The following FAM89A variants were observed in gnomAD, a reference collection of about 807,000 sequenced individuals.
FAM89A encodes the protein protein FAM89A.
In FAM89A, 10 loss-of-function variants were observed where a neutral mutation model predicts 7.1. That is an observed-to-expected ratio of 1.40 (90% CI 0.86 to 2.38). The LOEUF (loss-of-function observed/expected upper bound fraction) is 2.38. Ranked by LOEUF, FAM89A falls within the 30% of genes most tolerant of loss-of-function variation. The pLI, the probability that FAM89A is intolerant of heterozygous loss-of-function variation, is 0.00. For missense variants in FAM89A, 276 were observed against 262.8 expected (o/e 1.05, Z -0.35); for synonymous variants, 157 against 129.3 (o/e 1.21, Z -1.45).
rs1040877430 is a variant in FAM89A, at chr1:231,040,244, T to C, written c.-33A>G. 8.8e-6 allele frequency: 9 copies of C among 1,027,590 alleles called. No individual in the cohort carries two copies. The East Asian group carries it at 8.7e-4, about 99-fold the overall frequency. 63.7% of individuals were successfully genotyped at this position (1,027,590 alleles called of 1,614,324 possible). A position where few individuals can be genotyped will look rare whatever the true frequency, so the allele number is the denominator to read the frequency against. Reference sequence around the variant, plus strand: ...CGGCCCGGCCACGCGCCTGCCCCGCTGCAGCGAACCAAGGCTTTCCCCCGG... The same window carrying C: ...CGGCCCGGCCACGCGCCTGCCCCGCCGCAGCGAACCAAGGCTTTCCCCCGG... On this transcript the variant is annotated 5_prime_UTR_variant, in exon 1 of 2. Transcript: ENST00000366654.
At chr1:231,036,843 T>G (rs1444611600) in intron 1 of FAM89A, among the ~76,000 whole-genome samples, 1 of 152,186 alleles carries the variant, frequency 6.6e-6, no homozygotes, top group Non-Finnish European at 1.5e-5. Flanking sequence ...GATGACAAAT[T>G]ACCTTCCTCC....
rs2103068505 is a variant in FAM89A, at chr1:231,019,483, G to A, written c.*380C>T. On this transcript the variant is annotated 3_prime_UTR_variant, in exon 2 of 2. Transcript: ENST00000366654. ...CTGGAAGCAAGAACCCTAACACAAA[G>A]AGGATTGGAATACTCTACCATCTGT... The A allele has an allele frequency of 5.5e-6, 1 of 182,492 alleles. No homozygotes were observed. The highest frequency in any genetic ancestry group is 2.3e-5 in the African/African-American group (1 of 42,608). The allele number at this position is 182,492 out of a possible 1,614,324, so 11.3% of individuals were successfully genotyped here. A position where few individuals can be genotyped will look rare whatever the true frequency, so the allele number is the denominator to read the frequency against.
intron 1 of FAM89A, chr1:231,021,891 G>A: frequency 6.4e-7 from 1 of 1,569,902 alleles, no homozygotes; most frequent in Non-Finnish European, 8.8e-7. Flanking sequence ...TGCATGGTGA[G>A]CAGTGACGAT....
rs1469968517 is a variant in FAM89A, at chr1:231,039,984, C to T, written c.228G>A (p.Ala76=). 8.0e-6 allele frequency: 11 copies of T among 1,377,788 alleles called. No homozygotes were observed. The highest frequency in any genetic ancestry group is 1.7e-5 in the South Asian group (1 of 59,602). 85.3% of individuals were successfully genotyped at this position (1,377,788 alleles called of 1,614,324 possible). A position where few individuals can be genotyped will look rare whatever the true frequency, so the allele number is the denominator to read the frequency against. ...RGGPGGGGAR[A]AALPAKPPNL... is the part of the protein sequence containing the mutation. The stretch of plus-strand genomic sequence containing the variant: ...TGGGAGGCTTGGCGGGCAGCGCTGC[C>T]GCCCGGGCCCCGCCGCCGCCCGGGC... Residue 76 remains alanine, a synonymous_variant, in exon 1 of 2, where the codon GCG becomes GCA. Transcript: ENST00000366654.
At chr1:231,034,330 G>A (rs1680123561) in intron 1 of FAM89A, among the ~76,000 whole-genome samples, 1 of 152,192 alleles carries the variant, frequency 6.6e-6, no homozygotes, top group Admixed American at 6.5e-5. Flanking sequence ...GACCCTTTAT[G>A]GCATTTAATT....
rs767516540 is a variant in FAM89A at position 231,020,036 on chromosome 1, C to T, written c.382G>A (p.Ala128Thr). The change falls in exon 2 of 2, where the codon GCC (alanine) becomes ACC (threonine). Residue 128 changes from alanine to threonine, a missense_variant. By Grantham distance (58) the Ala-to-Thr change is moderately conservative. Transcript: ENST00000366654. ...GCGTAAGTGCAGTCTGGGCTGGAGGCTGCCTGGCATGCCCCCTTGTACTCC... is the reference window on the plus strand; with the variant it reads ...GCGTAAGTGCAGTCTGGGCTGGAGGTTGCCTGGCATGCCCCCTTGTACTCC... The part of the protein sequence containing the change: ...IQEYKGACQA[A>T]SSPDCTYALE... 1.8e-5 allele frequency: 29 copies of T among 1,614,012 alleles called. No individual in the cohort carries two copies. Among genetic ancestry groups the T allele is most frequent in the Non-Finnish European group, 2.2e-5 (26 of 1,180,042 alleles).
rs972464332 is a variant in FAM89A, at chr1:231,019,586, T to G, written c.*277A>C. 2.6e-6 allele frequency: 1 copy of G among 386,696 alleles called. No individual in the cohort carries two copies. Among genetic ancestry groups the G allele is most frequent in the Admixed American group, 4.2e-5 (1 of 23,788 alleles). 24.0% of individuals were successfully genotyped at this position (386,696 alleles called of 1,614,324 possible). On this transcript the variant is annotated 3_prime_UTR_variant, in exon 2 of 2. Transcript: ENST00000366654. ...TCACCGAGATCCTCTTGTTATATTC[T>G]CATTATGAATCCCCAGCAGGTGCAC...
chr1:231,033,312 G>A (rs1029563403), intron 1 of FAM89A, among the ~76,000 whole-genome samples: 1 of 152,344 alleles, frequency 6.6e-6, no homozygotes, highest in African/African-American at 2.4e-5. Context: ...TCTGTGGTCT[G>A]TCTGGTTTCC....
At position 231,019,349 on chromosome 1, in the gene FAM89A, G is replaced by T. The variant is rs754455645; in HGVS notation, c.*514C>A. 6.6e-6 allele frequency: 1 copy of T among 152,564 alleles called. No individual in the cohort carries two copies. The highest frequency in any genetic ancestry group is 2.1e-4 in the South Asian group (1 of 4,846). The allele number at this position is 152,564 out of a possible 1,614,324, so 9.5% of individuals were successfully genotyped here. A position where few individuals can be genotyped will look rare whatever the true frequency, so the allele number is the denominator to read the frequency against. On this transcript the variant is annotated 3_prime_UTR_variant, in exon 2 of 2. Transcript: ENST00000366654. ...ACCGAATCACTGGGCAGTTAGTAATGCAGCTTACAAATAAATAAAGCTGAG... is the reference window on the plus strand; with the variant it reads ...ACCGAATCACTGGGCAGTTAGTAATTCAGCTTACAAATAAATAAAGCTGAG...
At chr1:231,020,251 C>T (rs936997560) in intron 1 of FAM89A, 125 bp from the exon 2 acceptor site, 3 of 1,023,070 alleles carry the variant, frequency 2.9e-6, no homozygotes, top group Non-Finnish European at 4.2e-6. Context: ...TGATTCAGAG[C>T]ATCACTCGGA....
rs764153540 is a variant in FAM89A, at chr1:231,020,143, G to A, written c.292-17C>T. ...GAGACCAACCTTGAGGGAAGGGGTG[G>A]GGAGGTAAAAAACGAGAAGTCAGCA... is the stretch of plus-strand genomic sequence containing the variant. On this transcript the variant is annotated splice_polypyrimidine_tract_variant and intron_variant, in intron 1 of 1. Transcript: ENST00000366654. The A allele has an allele frequency of 5.1e-6, 8 of 1,580,324 alleles. No homozygotes were observed. The South Asian group carries it at 5.7e-5, about 11-fold the overall frequency.
chr1:231,022,399 T>A (rs1679894402), intron 1 of FAM89A, among the ~76,000 whole-genome samples: 1 of 152,118 alleles, frequency 6.6e-6, no homozygotes, highest in African/African-American at 2.4e-5. Context: ...TCTGGGGTGG[T>A]CCAGTTCTAG....
intron 1 of FAM89A, among the ~76,000 whole-genome samples, chr1:231,022,898 A>G (rs3890294): frequency 0.66 from 100,452 of 151,946 alleles, 33,433 homozygotes; most frequent in Admixed American, 0.69. Flanking sequence ...ATCCCAGCCC[A>G]TTTCTGCCCA....
chr1:231,021,541 G>A (rs1462645456), intron 1 of FAM89A: 4 of 885,126 alleles, frequency 4.5e-6, no homozygotes, highest in East Asian at 2.5e-5. Context: ...GAGAACATTC[G>A]ACTTCCCTGC....
At chr1:231,037,468 CAT>C (rs1362788493) in intron 1 of FAM89A, among the ~76,000 whole-genome samples, 2 of 152,180 alleles carry the variant, frequency 1.3e-5, no homozygotes, top group African/African-American at 4.8e-5. Context: ...GTGTCTCCCA[CAT>C]GAGTCTTGTT....
In FAM89A at chr1:231,019,417, G is replaced by C. The variant is rs1572352056; in HGVS notation, c.*446C>G. ...CAAGAAAAGCTGCAGAGCATATTGAGGAAGGGAAGCAGTGAAATGGTGGTT... is the reference window on the plus strand; with the variant it reads ...CAAGAAAAGCTGCAGAGCATATTGACGAAGGGAAGCAGTGAAATGGTGGTT... On this transcript the variant is annotated 3_prime_UTR_variant, in exon 2 of 2. Transcript: ENST00000366654. 6.3e-6 allele frequency: 1 copy of C among 159,490 alleles called. No homozygotes were observed. The highest frequency in any genetic ancestry group is 2.4e-5 in the African/African-American group (1 of 41,540). 9.9% of individuals were successfully genotyped at this position (159,490 alleles called of 1,614,324 possible). A position where few individuals can be genotyped will look rare whatever the true frequency, so the allele number is the denominator to read the frequency against.
intron 1 of FAM89A, among the ~76,000 whole-genome samples, chr1:231,035,510 T>C (rs2103076882): frequency 6.6e-6 from 1 of 152,170 alleles, no homozygotes; most frequent in East Asian, 1.9e-4. Flanking sequence ...CTGAAGGTCT[T>C]TGTGTCTCTA....
chr1:231,022,215 G>A, intron 1 of FAM89A: 1 of 957,074 alleles, frequency 1.0e-6, no homozygotes, highest in Admixed American at 1.7e-5. Flanking sequence ...GAGACGGATG[G>A]ACAATCAGGT....
At position 231,021,672 on chromosome 1, in the gene FAM89A, G is replaced by A. The variant is rs537568702; in HGVS notation, c.292-1546C>T. 5.8e-5 allele frequency: 91 copies of A among 1,573,546 alleles called. No individual in the cohort carries two copies. The African/African-American group carries it at 9.8e-4, about 17-fold the overall frequency. ...TCTAGACAAGCCCAGAAGCGAACAC[G>A]GGAAGCAACCTCCACCCCTGAGATT... On this transcript the variant is annotated intron_variant, in intron 1 of 1. Coordinates refer to ENST00000366654, the MANE Select transcript of FAM89A (RefSeq NM_198552.3).
Sources: allele counts gnomAD v4.1 joint callset (sites outside exome capture counted in the v4.1 genomes callset), GRCh38; gene constraint gnomAD v4.1.1; transcripts MANE v1.5; gene names NCBI Gene and HGNC (gene_info 2026-07-23, HGNC 2026-07-21).